TBX15: variants seen among roughly 807,000 people sequenced by gnomAD.
The protein encoded by TBX15 is T-box transcription factor TBX15.
TBX15 carries 18 observed loss-of-function variants against 53.9 expected under a neutral mutation model. That is an observed-to-expected ratio of 0.33 (90% CI 0.23 to 0.49). The LOEUF is 0.49. Among genes scored for constraint, TBX15 ranks in the 20% least tolerant of loss-of-function variants. The pLI is 0.98. For synonymous variants in TBX15, 295 were observed against 278.0 expected (o/e 1.06, Z -0.61); for missense variants, 692 against 749.5 (o/e 0.92, Z 0.90).
intron 1 of TBX15, among the ~76,000 whole-genome samples, chr1:118,937,522 C>T (rs1021727682): frequency 1.3e-5 from 2 of 152,196 alleles, no homozygotes; most frequent in African/African-American, 4.8e-5. Context: ...CAGTTTAATG[C>T]TTTGCCCCAT....
chr1:118,899,239 C>G (rs1654534088), intron 6 of TBX15, 114 bp from the exon 7 acceptor site: 1 of 931,558 alleles, frequency 1.1e-6, no homozygotes, highest in Admixed American at 2.0e-5. Context: ...AGATACTAAG[C>G]TACCACCATC....
rs1325935 is a variant in TBX15 at position 118,945,213 on chromosome 1, C to G, written c.206-13381G>C. Among the ~76,000 whole-genome samples, 689 of 152,200 alleles carry G rather than the reference C, an allele frequency of 4.5e-3. 8 individuals carry two copies. Among genetic ancestry groups the G allele is most frequent in the African/African-American group, 0.016 (676 of 41,532 alleles). ...AGACATTGCCAGTGAATTGAGAGAG[C>G]CTGTCTATTTCACAACTAAGTGGGA... On this transcript the variant is annotated intron_variant, in intron 1 of 7. Transcript: ENST00000369429.
chr1:118,915,684 T>C (rs973266195), intron 5 of TBX15, among the ~76,000 whole-genome samples: 66 of 152,332 alleles, frequency 4.3e-4, no homozygotes, highest in African/African-American at 1.6e-3. Context: ...TCCTCCATAA[T>C]CCACAGCAAT....
chr1:118,924,236 A>T (rs1378902353), intron 4 of TBX15, among the ~76,000 whole-genome samples: 1 of 152,214 alleles, frequency 6.6e-6, no homozygotes, highest in African/African-American at 2.4e-5. Flanking sequence ...CTTAAGATTT[A>T]GTCTTCCCTA....
At chr1:118,936,669 G>A (rs549333444) in intron 1 of TBX15, among the ~76,000 whole-genome samples, 1 of 152,262 alleles carries the variant, frequency 6.6e-6, no homozygotes, top group South Asian at 2.1e-4. Context: ...AGAGTTAATG[G>A]TCAACATTAT....
rs1335628862 is a variant in TBX15, at chr1:118,923,576, G to C, written c.721C>G (p.Gln241Glu). 1 of 1,613,812 alleles carries C rather than the reference G, an allele frequency of 6.2e-7. No individual in the cohort carries two copies. The highest frequency in any genetic ancestry group is 8.5e-7 in the Non-Finnish European group (1 of 1,179,898). ...TTGCGAATCACATGAACTCGAGGCT[G>C]GTATTTGTGCATAGAGTGCAGAATG... ...HIILHSMHKY[Q>E]PRVHVIRKDF... Residue 241 changes from glutamine to glutamate, a missense_variant, in exon 5 of 8, where the codon CAG becomes GAG. Gln to Glu is a conservative substitution (Grantham distance 29). Around this residue, in one of 3 missense-constraint regions of TBX15, gnomAD observed 307 missense variants for 347.5 expected, o/e 0.88. Transcript: ENST00000369429.
chr1:118,957,984 T>C (rs1376500614), intron 1 of TBX15, among the ~76,000 whole-genome samples: 1 of 152,210 alleles, frequency 6.6e-6, no homozygotes, highest in Non-Finnish European at 1.5e-5. Flanking sequence ...GCGGCACTAT[T>C]CTCAATGCAA....
At chr1:118,989,375 C>G (rs1202466930), upstream of TBX15, 1 of 152,176 alleles carries the variant, frequency 6.6e-6, no homozygotes, top group Non-Finnish European at 1.5e-5. Flanking sequence ...GTTACGCCAC[C>G]GGTCGAGGAC....
chr1:118,890,866 C>G, intron 7 of TBX15: 1 of 1,302,500 alleles, frequency 7.7e-7, no homozygotes, highest in Non-Finnish European at 1.0e-6. Flanking sequence ...CATGTAATTA[C>G]TTCGTTCCAT....
At chr1:118,984,840 C>T (rs966048277) in intron 1 of TBX15, among the ~76,000 whole-genome samples, 1 of 152,136 alleles carries the variant, frequency 6.6e-6, no homozygotes, top group African/African-American at 2.4e-5. Flanking sequence ...ACGCGCAGGC[C>T]GGACTGATCC....
intron 6 of TBX15, among the ~76,000 whole-genome samples, chr1:118,903,731 T>C (rs1277114796): frequency 6.6e-6 from 1 of 152,174 alleles, no homozygotes; most frequent in Non-Finnish European, 1.5e-5. Flanking sequence ...AAAATACTTA[T>C]AATACTAAGT....
intron 1 of TBX15, among the ~76,000 whole-genome samples, chr1:118,953,536 T>G (rs985028155): frequency 6.6e-6 from 1 of 152,178 alleles, no homozygotes; most frequent in Non-Finnish European, 1.5e-5. Flanking sequence ...AAAGTGAAAT[T>G]TCATTATTCC....
chr1:118,912,847 G>T (rs957233078), intron 6 of TBX15, among the ~76,000 whole-genome samples: 3 of 152,124 alleles, frequency 2.0e-5, no homozygotes, highest in Admixed American at 2.0e-4. Context: ...GTTCTACTAC[G>T]CTCTACCACT....
chr1:118,906,255 A>G (rs1326233472), intron 6 of TBX15, among the ~76,000 whole-genome samples: 1 of 152,214 alleles, frequency 6.6e-6, no homozygotes, highest in Non-Finnish European at 1.5e-5. Context: ...CTTAATAGAT[A>G]AAGGTATAGA....
intron 1 of TBX15, among the ~76,000 whole-genome samples, chr1:118,948,529 T>C (rs980761622): frequency 6.6e-6 from 1 of 152,188 alleles, no homozygotes; most frequent in African/African-American, 2.4e-5. Context: ...GTTGCTCAAC[T>C]TCTCTAGGGT....
chr1:118,977,687 A>G (rs1365140390), intron 1 of TBX15, among the ~76,000 whole-genome samples: 1 of 152,248 alleles, frequency 6.6e-6, no homozygotes, highest in Non-Finnish European at 1.5e-5. Flanking sequence ...TCCTAGGTGT[A>G]TGCTGGGCAC....
chr1:118,904,790 A>G (rs1654755606), intron 6 of TBX15, among the ~76,000 whole-genome samples: 1 of 152,248 alleles, frequency 6.6e-6, no homozygotes, highest in Admixed American at 6.5e-5. Context: ...TAATTCAGTA[A>G]TGCTAAAATC....
chr1:118,985,043 C>A (rs753935955), intron 1 of TBX15, among the ~76,000 whole-genome samples: 28 of 152,112 alleles, frequency 1.8e-4, no homozygotes, highest in Admixed American at 2.6e-4. Context: ...GCAGAGCGGA[C>A]TAAAAAACGG....
chr1:118,952,025 T>C (rs1656531913), intron 1 of TBX15, among the ~76,000 whole-genome samples: 1 of 151,918 alleles, frequency 6.6e-6, no homozygotes, highest in Non-Finnish European at 1.5e-5. Context: ...ATGTAGATCT[T>C]CTTTTGCCTT....
Sources: allele counts gnomAD v4.1 joint callset (sites outside exome capture counted in the v4.1 genomes callset), GRCh38; gene constraint gnomAD v4.1.1; regional missense constraint gnomAD v4.1.1; transcripts MANE v1.5; gene names NCBI Gene and HGNC (gene_info 2026-07-23, HGNC 2026-07-21).